Variants in COL24A1 observed in about 807,000 individuals in gnomAD.
COL24A1 encodes the protein collagen alpha-1(XXIV) chain.
COL24A1 carries 224 observed loss-of-function variants against 253.9 expected under a neutral mutation model. The ratio of observed to expected loss-of-function variants is 0.88; its 90% CI spans 0.79 to 0.99. COL24A1 has a LOEUF of 0.99. COL24A1 is among the 50% of genes least tolerant of loss of function. The pLI is 0.00. For synonymous variants in COL24A1, 685 were observed against 673.7 expected, an observed-to-expected ratio of 1.02 and a Z score of -0.26; for missense variants, 2,131 against 2,068.5, an observed-to-expected ratio of 1.03 and a Z score of -0.59.
At chr1:85,944,620 T>G (rs1423540402) in intron 24 of COL24A1, among the ~76,000 whole-genome samples, 1 of 151,942 alleles carries the variant, frequency 6.6e-6, no homozygotes, top group Middle Eastern at 3.2e-3. Context: ...TATTATACTT[T>G]AAGTTTTAGG....
chr1:85,835,212 G>C (rs1675862728), intron 43 of COL24A1, among the ~76,000 whole-genome samples: 1 of 151,944 alleles, frequency 6.6e-6, no homozygotes, highest in African/African-American at 2.4e-5. Flanking sequence ...CTCTGCCTCT[G>C]CCTCTGCCTC....
intron 19 of COL24A1, among the ~76,000 whole-genome samples, chr1:85,999,780 C>T (rs1367890776): frequency 6.6e-6 from 1 of 152,058 alleles, no homozygotes; most frequent in Non-Finnish European, 1.5e-5. Flanking sequence ...CATTTGTGAC[C>T]AGTATGAGCA....
At chr1:85,826,742 A>C (rs953837551) in intron 43 of COL24A1, among the ~76,000 whole-genome samples, 8 of 151,512 alleles carry the variant, frequency 5.3e-5, no homozygotes, top group Non-Finnish European at 8.8e-5. Context: ...TTGTTGGTGT[A>C]TAAGAATGCT....
chr1:85,739,759 G>T (rs986508460), intron 57 of COL24A1, among the ~76,000 whole-genome samples: 1 of 151,974 alleles, frequency 6.6e-6, no homozygotes, highest in Non-Finnish European at 1.5e-5. Flanking sequence ...TCCTTGAATT[G>T]TATCCTCCCC....
chr1:85,759,453 G>A (rs771978883), intron 55 of COL24A1, among the ~76,000 whole-genome samples: 6 of 152,086 alleles, frequency 3.9e-5, no homozygotes, highest in Non-Finnish European at 8.8e-5. Flanking sequence ...AGAATGTGTA[G>A]GTGTCTTATT....
At chr1:86,055,592 C>T (rs987607123) in intron 10 of COL24A1, among the ~76,000 whole-genome samples, 5 of 152,102 alleles carry the variant, frequency 3.3e-5, no homozygotes, top group African/African-American at 1.2e-4. Flanking sequence ...TGCATATATT[C>T]CTTGGAGTTA....
At chr1:85,947,730 T>C (rs1338846210) in intron 24 of COL24A1, among the ~76,000 whole-genome samples, 1 of 152,168 alleles carries the variant, frequency 6.6e-6, no homozygotes, top group East Asian at 1.9e-4. Flanking sequence ...TCCTAAAATA[T>C]AACATTCTAA....
intron 2 of COL24A1, among the ~76,000 whole-genome samples, chr1:86,137,122 C>T (rs771482683): frequency 9.9e-5 from 15 of 152,144 alleles, no homozygotes; most frequent in African/African-American, 1.9e-4. Context: ...TTAGATATTT[C>T]GTACCAATGT....
chr1:86,141,030 C>A (rs1219852673), intron 2 of COL24A1, among the ~76,000 whole-genome samples: 1 of 152,068 alleles, frequency 6.6e-6, no homozygotes, highest in East Asian at 1.9e-4. Context: ...TAAAATCTTA[C>A]TCAAATGAGA....
At chr1:85,997,638 C>T (rs1209566185) in intron 19 of COL24A1, among the ~76,000 whole-genome samples, 1 of 151,954 alleles carries the variant, frequency 6.6e-6, no homozygotes, top group Non-Finnish European at 1.5e-5. Flanking sequence ...CAAAAATTAG[C>T]TGGGTGCGGT....
At chr1:86,088,636 C>T (rs941031661) in intron 7 of COL24A1, among the ~76,000 whole-genome samples, 2 of 152,114 alleles carry the variant, frequency 1.3e-5, no homozygotes, top group Non-Finnish European at 2.9e-5. Context: ...TGTCCCCAAT[C>T]CTCACGTCAC....
At chr1:85,927,206 G>A (rs1013562824) in intron 24 of COL24A1, among the ~76,000 whole-genome samples, 6 of 151,792 alleles carry the variant, frequency 4.0e-5, no homozygotes, top group East Asian at 1.9e-4. Context: ...GACAGTGGGC[G>A]GAGGCCAGTG....
intron 19 of COL24A1, among the ~76,000 whole-genome samples, chr1:86,014,905 T>C: frequency 6.6e-6 from 1 of 152,142 alleles, no homozygotes; most frequent in Non-Finnish European, 1.5e-5. Flanking sequence ...CCCTGCTGCT[T>C]TGCATAAAGC....
intron 53 of COL24A1, among the ~76,000 whole-genome samples, chr1:85,765,123 C>T (rs774838859): frequency 4.6e-5 from 7 of 152,052 alleles, no homozygotes; most frequent in Non-Finnish European, 1.0e-4. Context: ...TATTTAGGAC[C>T]TATTTCCCAT....
chr1:86,153,514 C>A (rs1653061382), intron 1 of COL24A1, among the ~76,000 whole-genome samples: 1 of 152,138 alleles, frequency 6.6e-6, no homozygotes, highest in African/African-American at 2.4e-5. Flanking sequence ...GTTACAAATT[C>A]TAAAATAAGT....
chr1:86,025,170 G>T (rs543806483), intron 14 of COL24A1, among the ~76,000 whole-genome samples: 20 of 152,276 alleles, frequency 1.3e-4, no homozygotes, highest in Admixed American at 1.2e-3. Context: ...TCAGTTCTCA[G>T]TTCTACCAAG....
chr1:85,823,451 T>C, intron 45 of COL24A1, 85 bp downstream of exon 45: 1 of 1,259,348 alleles, frequency 7.9e-7, no homozygotes. Context: ...TAATTTGAAT[T>C]ACAATAAATA....
chr1:85,921,608 G>T (rs968335805), intron 24 of COL24A1, among the ~76,000 whole-genome samples: 1 of 152,160 alleles, frequency 6.6e-6, no homozygotes, highest in Non-Finnish European at 1.5e-5. Context: ...AAAACTAACA[G>T]AAAGGAATAG....
At chr1:86,060,374 T>G (rs1475724250) in intron 8 of COL24A1, among the ~76,000 whole-genome samples, 1 of 152,110 alleles carries the variant, frequency 6.6e-6, no homozygotes, top group East Asian at 1.9e-4. Flanking sequence ...AAAATTTCTT[T>G]CCTGTTTGTT....
Sources: gnomAD v4.1 joint callset for allele counts (sites outside exome capture counted in the v4.1 genomes callset) on GRCh38, gnomAD v4.1.1 for gene constraint, MANE v1.5 for transcripts, NCBI Gene and HGNC (gene_info 2026-07-23, HGNC 2026-07-21) for gene names.